DNMBP: variants seen among roughly 807,000 people sequenced by gnomAD.
DNMBP encodes the protein dynamin-binding protein.
Under a neutral mutation model 150.0 loss-of-function variants are expected in DNMBP, and 87 were observed. That is an observed-to-expected ratio of 0.58 (90% CI 0.49 to 0.69). DNMBP has a LOEUF of 0.69. DNMBP is among the 30% of genes least tolerant of loss of function. DNMBP has a pLI of 0.00. For synonymous variants in DNMBP, 711 were observed against 750.4 expected, an observed-to-expected ratio of 0.95 and a Z score of 0.86; for missense variants, 1,774 against 1,949.0, an observed-to-expected ratio of 0.91 and a Z score of 1.69.
rs2039847395 is a variant in DNMBP, at chr10:99,907,984, G to A, written c.2554+11C>T. ...AAAAAGCTGCTTCTGAAACAACACA[G>A]GAGCTCATACCTACAGCATCGCTGA... On this transcript the variant is annotated intron_variant, in intron 6 of 16. Transcript: ENST00000324109. 1 of 1,609,010 alleles carries A rather than the reference G, an allele frequency of 6.2e-7. No homozygotes were observed. The highest frequency in any genetic ancestry group is 8.5e-7 in the Non-Finnish European group (1 of 1,176,100).
chr10:99,903,217 A>G lies in DNMBP; in HGVS notation c.2555-3151T>C, dbSNP rs1052538684. Among the ~76,000 whole-genome samples, 3 of 151,618 alleles carry G rather than the reference A, an allele frequency of 2.0e-5. No homozygotes were observed. In the South Asian group the frequency reaches 6.3e-4, roughly 32 times the overall value. On this transcript the variant is annotated intron_variant, in intron 6 of 16. Transcript: ENST00000324109. ...TGGCCTCCCAAACTACTGAAATTAC[A>G]GGCAGGAGCCACAGCACCTGGCCAG...
At chr10:99,885,949 A>G (rs2039453152) in intron 13 of DNMBP, 83 bp from the exon 14 acceptor site, 1 of 1,297,332 alleles carries the variant, frequency 7.7e-7, no homozygotes. Flanking sequence ...AACATGATGA[A>G]AGATCCCGGA....
chr10:99,980,153 T>C (rs2040766761), intron 1 of DNMBP, among the ~76,000 whole-genome samples: 1 of 152,110 alleles, frequency 6.6e-6, no homozygotes, highest in South Asian at 2.1e-4. Context: ...AAATAAAATT[T>C]ACAATGTAGA....
At chr10:99,953,807 C>T (rs1307048118) in intron 4 of DNMBP, among the ~76,000 whole-genome samples, 2 of 53,306 alleles carry the variant, frequency 3.8e-5, no homozygotes, top group African/African-American at 1.3e-4. Context: ...GAGTAAGACT[C>T]TGTCTCAAAA....
intron 3 of DNMBP, among the ~76,000 whole-genome samples, chr10:99,959,066 A>G (rs1007512953): frequency 6.6e-6 from 1 of 152,256 alleles, no homozygotes; most frequent in Non-Finnish European, 1.5e-5. Context: ...CAGATTGAAT[A>G]CAGATGCAAA....
chr10:99,929,956 C>T (rs1314421714), intron 4 of DNMBP: 2 of 702,624 alleles, frequency 2.8e-6, no homozygotes, highest in African/African-American at 3.5e-5. Context: ...GCAAATAAAG[C>T]ATCATAGCCT....
intron 3 of DNMBP, among the ~76,000 whole-genome samples, chr10:99,962,130 G>T (rs906877414): frequency 1.3e-5 from 2 of 152,146 alleles, no homozygotes; most frequent in South Asian, 4.2e-4. Flanking sequence ...AGAAATTATT[G>T]TCTATATCAT....
chr10:100,007,783 T>C (rs1473037163), intron 1 of DNMBP, among the ~76,000 whole-genome samples: 2 of 152,272 alleles, frequency 1.3e-5, no homozygotes, highest in Non-Finnish European at 2.9e-5. Flanking sequence ...AAGAACTTTC[T>C]GCCTTTCCAG....
At chr10:99,970,977 A>AAAAAAAAAATAAAAAAT (rs2040668277) in intron 2 of DNMBP, among the ~76,000 whole-genome samples, 1 of 136,138 alleles carries the variant, frequency 7.3e-6, no homozygotes, top group African/African-American at 3.1e-5. Context: ...GTCTCAAAAA[A>AAAAAAAAAATAAAAAAT]AAAAAAAAAA....
rs1379752462 is a variant in DNMBP at position 99,879,936 on chromosome 10, C to T, written c.4423G>A (p.Val1475Ile). ...SYRNFRHPEI[V>I]GYSVPGRNGQ... ...TTTCGTCCTGGTACGGAGTAGCCAA[C>T]TATTTCTGGATGCCTGAAGTTCCGG... Residue 1475 changes from valine to isoleucine, a missense_variant, in exon 16 of 17, where the codon GTT (valine) becomes ATT (isoleucine). Physicochemically the swap from Val to Ile is conservative, Grantham distance 29 (BLOSUM62 3). Transcript: ENST00000324109. 20 of 1,614,232 alleles carry T rather than the reference C, an allele frequency of 1.2e-5. No individual in the cohort carries two copies. Among genetic ancestry groups the T allele is most frequent in the Non-Finnish European group, 1.7e-5 (20 of 1,180,044 alleles).
At chr10:99,881,262 T>C (rs1206631065) in intron 15 of DNMBP, among the ~76,000 whole-genome samples, 1 of 151,984 alleles carries the variant, frequency 6.6e-6, no homozygotes, top group Admixed American at 6.6e-5. Flanking sequence ...AGCCCCTCCA[T>C]AGACCTCCCT....
rs554934432 is a variant in DNMBP, at chr10:99,910,434, G to A, written c.2261-1288C>T. Among the ~76,000 whole-genome samples the A allele has an allele frequency of 6.3e-4, 96 of 152,300 alleles. 2 individuals are homozygous for A. The South Asian group carries it at 0.018, about 29-fold the overall frequency. On this transcript the variant is annotated intron_variant, in intron 4 of 16. Coordinates refer to ENST00000324109, the MANE Select transcript of DNMBP (RefSeq NM_015221.4). ...ACACACCTGTGATCCCAGGTACTTG[G>A]GAGGCTGAGTCATGAGAATCACTTG...
At chr10:99,947,455 C>T (rs2040370116) in intron 4 of DNMBP, among the ~76,000 whole-genome samples, 1 of 151,948 alleles carries the variant, frequency 6.6e-6, no homozygotes, top group African/African-American at 2.4e-5. Context: ...AAAATTAAGG[C>T]TGAAGCAGAA....
intron 1 of DNMBP, among the ~76,000 whole-genome samples, 175 bp from the exon 2 acceptor site, chr10:99,972,309 G>A (rs774341223): frequency 3.9e-5 from 6 of 152,074 alleles, no homozygotes; most frequent in African/African-American, 1.2e-4. Context: ...CACTCCCATC[G>A]CCCAGGCTGG....
chr10:99,979,879 G>A (rs2040764690), intron 1 of DNMBP, among the ~76,000 whole-genome samples: 1 of 152,106 alleles, frequency 6.6e-6, no homozygotes, highest in Non-Finnish European at 1.5e-5. Flanking sequence ...CTCCCATAAG[G>A]CACTGTCCGC....
intron 1 of DNMBP, among the ~76,000 whole-genome samples, chr10:99,991,553 A>G (rs971310972): frequency 6.6e-6 from 1 of 151,746 alleles, no homozygotes; most frequent in Non-Finnish European, 1.5e-5. Flanking sequence ...TTCCTAGTAC[A>G]ATGTTTTCAA....
chr10:99,915,108 A>AATATATATATAT (rs1554863107), intron 4 of DNMBP, among the ~76,000 whole-genome samples: 19 of 99,792 alleles, frequency 1.9e-4, no homozygotes, highest in Non-Finnish European at 2.8e-4. Context: ...AAAAAAAAAA[A>AATATATATATAT]ATATATATAT....
chr10:99,983,033 CA>C (rs1317323192), intron 1 of DNMBP, among the ~76,000 whole-genome samples: 1 of 151,928 alleles, frequency 6.6e-6, no homozygotes, highest in East Asian at 1.9e-4. Flanking sequence ...AACTGAAAGA[CA>C]AAAAACAGCT....
intron 1 of DNMBP, among the ~76,000 whole-genome samples, chr10:99,992,581 C>T (rs531590166): frequency 3.0e-4 from 42 of 142,350 alleles, no homozygotes; most frequent in South Asian, 6.8e-4. Context: ...GGCTGGAGTG[C>T]GGTGGCGTGA....
Sources: gnomAD v4.1 joint callset for allele counts (sites outside exome capture counted in the v4.1 genomes callset) on GRCh38, gnomAD v4.1.1 for gene constraint, MANE v1.5 for transcripts, NCBI Gene and HGNC (gene_info 2026-07-23, HGNC 2026-07-21) for gene names.